Variants in RAPGEF6 observed in about 807,000 individuals in gnomAD.
The protein encoded by RAPGEF6 is PDZ domain containing guanine nucleotide exchange factor (GEF) 2.
In RAPGEF6, 56 loss-of-function variants were observed where a neutral mutation model predicts 171.4. That is an observed-to-expected ratio of 0.33 (90% CI 0.26 to 0.41). The LOEUF (loss-of-function observed/expected upper bound fraction) is 0.41. Among genes scored for constraint, RAPGEF6 ranks in the 10% least tolerant of loss-of-function variants. RAPGEF6 has a pLI of 1.00. For synonymous variants in RAPGEF6, 692 were observed against 650.1 expected (o/e 1.06, Z -0.98); for missense variants, 1,674 against 1,921.4 (o/e 0.87, Z 2.41).
chr5:131,614,427 T>C (rs1462519683), intron 1 of RAPGEF6, among the ~76,000 whole-genome samples: 1 of 151,848 alleles, frequency 6.6e-6, no homozygotes, highest in Non-Finnish European at 1.5e-5. Flanking sequence ...CTTAAAATCA[T>C]GGTGGAAGGT....
rs368211238 is a variant in RAPGEF6 at position 131,429,028 on chromosome 5, C to T, written c.4654G>A (p.Ala1552Thr). ...MHNSLSRLPP[A>T]SLSSNLVACV... The stretch of plus-strand genomic sequence containing the variant: ...GCCACGAGGTTGCTACTGAGAGAAG[C>T]TGGTGGCAGTCTAGAGAGGCTGTTA... The change falls in exon 27 of 28, where the codon GCT becomes ACT. Residue 1552 changes from alanine (A) to threonine (T), a missense_variant. By Grantham distance (58) the Ala-to-Thr change is moderately conservative. Transcript: ENST00000509018. 9.3e-6 allele frequency: 15 copies of T among 1,614,056 alleles called. No individual in the cohort carries two copies. The East Asian group carries it at 2.5e-4, about 26-fold the overall frequency.
chr5:131,629,590 CAAA>C (rs34845240), intron 1 of RAPGEF6, among the ~76,000 whole-genome samples: 1 of 117,024 alleles, frequency 8.5e-6, no homozygotes, highest in African/African-American at 3.7e-5. Flanking sequence ...CTCGTCTCTA[CAAA>C]AAAAAAAAAA....
At chr5:131,478,912 T>C (rs1330790528) in intron 16 of RAPGEF6, among the ~76,000 whole-genome samples, 2 of 152,218 alleles carry the variant, frequency 1.3e-5, no homozygotes, top group African/African-American at 2.4e-5. Flanking sequence ...GTGCTAAGTA[T>C]TGTACTGCTC....
Position 131,446,306 on chromosome 5 carries a change from C to T in RAPGEF6, c.3421+177G>A, listed in dbSNP as rs181670311. 1.5e-3 allele frequency among the ~76,000 whole-genome samples: 226 copies of T among 152,290 alleles called. 1 individual carries two copies. The highest frequency in any genetic ancestry group is 5.1e-3 in the African/African-American group (213 of 41,548). ...CCCTCTATTTTTTGGATAGTGTAGCCATCAGGAATGGATGGGATTCAGTCT... is the reference window on the plus strand; with the variant it reads ...CCCTCTATTTTTTGGATAGTGTAGCTATCAGGAATGGATGGGATTCAGTCT... On this transcript the variant is annotated intron_variant, in intron 22 of 27. Coordinates refer to ENST00000509018, the MANE Select transcript of RAPGEF6 (RefSeq NM_016340.6).
intron 27 of RAPGEF6, among the ~76,000 whole-genome samples, chr5:131,428,121 A>G (rs1024285344): frequency 6.0e-5 from 9 of 151,150 alleles, no homozygotes; most frequent in African/African-American, 2.2e-4. Context: ...AACAACCCAC[A>G]CCATTGGCTG....
At chr5:131,614,299 A>AAAAAAAAG (rs1554087607) in intron 1 of RAPGEF6, among the ~76,000 whole-genome samples, 1 of 147,288 alleles carries the variant, frequency 6.8e-6, no homozygotes, top group African/African-American at 2.5e-5. Context: ...AAAAAAAAAA[A>AAAAAAAAG]AAAGAAAGAA....
chr5:131,510,225 A>C, intron 8 of RAPGEF6, 89 bp downstream of exon 8: 1 of 1,296,760 alleles, frequency 7.7e-7, no homozygotes, highest in South Asian at 1.5e-5. Context: ...ACACACATTT[A>C]TTAAGTTTTA....
At chr5:131,587,203 AG>A (rs1580629404) in intron 4 of RAPGEF6, among the ~76,000 whole-genome samples, 2 of 152,358 alleles carry the variant, frequency 1.3e-5, no homozygotes. Flanking sequence ...CTGAACTAAA[AG>A]GAAGTCCTAC....
intron 18 of RAPGEF6, among the ~76,000 whole-genome samples, chr5:131,463,454 C>CT (rs2149836698): frequency 6.6e-6 from 1 of 152,022 alleles, no homozygotes; most frequent in South Asian, 2.1e-4. Flanking sequence ...TGGCATGTGC[C>CT]TGTAGTCCCA....
chr5:131,532,029 G>A (rs1037473983), intron 6 of RAPGEF6: 20 of 382,736 alleles, frequency 5.2e-5, no homozygotes, highest in Non-Finnish European at 1.0e-4. Flanking sequence ...GCGCAATAAA[G>A]CTCATTTACA....
chr5:131,618,257 T>G (rs931697749), intron 1 of RAPGEF6, among the ~76,000 whole-genome samples: 1 of 152,102 alleles, frequency 6.6e-6, no homozygotes, highest in African/African-American at 2.4e-5. Context: ...TCATAGTGAT[T>G]TAAAAAAGAG....
In RAPGEF6 at chr5:131,439,700, T is replaced by G; in HGVS notation, c.3626A>C (p.Gln1209Pro). 2 of 1,611,076 alleles carry G rather than the reference T, an allele frequency of 1.2e-6. No individual in the cohort carries two copies. Among genetic ancestry groups the G allele is most frequent in the Non-Finnish European group, 1.7e-6 (2 of 1,179,330 alleles). ...TTCTTCAGTTGTTCCTAAAACTTTC[T>G]GAGGTAAACTTGTATCTAAAAATAA... ...KDPALNTSLP[Q>P]KVLGTTEEIS... Residue 1209 changes from glutamine (Q) to proline (P), a missense_variant, in exon 24 of 28, where the codon CAG becomes CCG. Transcript: ENST00000509018.
chr5:131,603,197 A>T, intron 3 of RAPGEF6, 74 bp downstream of exon 3: 1 of 1,100,078 alleles, frequency 9.1e-7, no homozygotes, highest in Non-Finnish European at 1.4e-6. Flanking sequence ...CCCAGAATCA[A>T]ATGAATTTCA....
intron 6 of RAPGEF6, among the ~76,000 whole-genome samples, chr5:131,525,114 T>A (rs2149914768): frequency 2.0e-5 from 3 of 152,338 alleles, no homozygotes; most frequent in Middle Eastern, 6.8e-3. Context: ...GCAGTCTGAA[T>A]AAGCAAAATA....
intron 3 of RAPGEF6, among the ~76,000 whole-genome samples, chr5:131,601,747 C>T (rs1220684331): frequency 6.6e-6 from 1 of 151,964 alleles, no homozygotes; most frequent in Non-Finnish European, 1.5e-5. Context: ...AAAATTGGCA[C>T]AATTGGCCGG....
intron 4 of RAPGEF6, among the ~76,000 whole-genome samples, chr5:131,572,782 T>C (rs1356484556): frequency 2.0e-5 from 3 of 152,184 alleles, no homozygotes; most frequent in Admixed American, 6.5e-5. Flanking sequence ...CTTAAAAACC[T>C]AAAACCCCTT....
intron 4 of RAPGEF6, among the ~76,000 whole-genome samples, chr5:131,584,105 C>A (rs1489777584): frequency 1.3e-5 from 2 of 152,156 alleles, no homozygotes; most frequent in African/African-American, 4.8e-5. Flanking sequence ...AGCTTATTAT[C>A]TTTGTAATAC....
chr5:131,519,451 G>A (rs1395883634), intron 7 of RAPGEF6, among the ~76,000 whole-genome samples: 1 of 152,110 alleles, frequency 6.6e-6, no homozygotes, highest in Non-Finnish European at 1.5e-5. Flanking sequence ...GGCCAGGCTG[G>A]AGTGCAGTGG....
At chr5:131,451,379 T>C (rs1236264816) in intron 21 of RAPGEF6, among the ~76,000 whole-genome samples, 1 of 148,680 alleles carries the variant, frequency 6.7e-6, no homozygotes, top group Non-Finnish European at 1.5e-5. Context: ...AGTCCAGGAG[T>C]TCAAGACCAG....
Sources: allele counts gnomAD v4.1 joint callset (sites outside exome capture counted in the v4.1 genomes callset), GRCh38; gene constraint gnomAD v4.1.1; transcripts MANE v1.5; gene names NCBI Gene and HGNC (gene_info 2026-07-23, HGNC 2026-07-21).